Variants in ZNF385D observed in about 807,000 individuals in gnomAD.
ZNF385D encodes zinc finger protein 385D.
A neutral mutation model predicts 35.8 loss-of-function variants in ZNF385D; 15 were observed. The ratio of observed to expected loss-of-function variants is 0.42; its 90% CI spans 0.28 to 0.64. The LOEUF (loss-of-function observed/expected upper bound fraction) is 0.64, where lower values mean the gene tolerates loss of function less well. Among genes scored for constraint, ZNF385D ranks in the 30% least tolerant of loss-of-function variants. ZNF385D has a pLI of 0.23. For synonymous variants in ZNF385D, 212 were observed against 186.8 expected (o/e 1.13, Z -1.10); for missense variants, 474 against 494.6 (o/e 0.96, Z 0.39).
At chr3:22,094,155 A>C in intron 3 of ZNF385D, among the ~76,000 whole-genome samples, 1 of 151,898 alleles carries the variant, frequency 6.6e-6, no homozygotes, top group South Asian at 2.1e-4. Flanking sequence ...CCGGCATCAA[A>C]TATTCTAATT....
intron 3 of ZNF385D, among the ~76,000 whole-genome samples, chr3:21,876,938 C>G (rs149891604): frequency 2.6e-5 from 4 of 152,200 alleles, no homozygotes; most frequent in Admixed American, 6.6e-5. Flanking sequence ...AGCAGAGAAG[C>G]ACTTCTTTCC....
intron 3 of ZNF385D, among the ~76,000 whole-genome samples, chr3:21,984,665 A>G (rs1263380553): frequency 3.6e-5 from 4 of 111,438 alleles, no homozygotes; most frequent in Admixed American, 2.6e-4. Context: ...TTTTGGTTCC[A>G]TATGAACTTT....
At chr3:22,133,426 G>A (rs975269492) in intron 3 of ZNF385D, among the ~76,000 whole-genome samples, 3 of 151,836 alleles carry the variant, frequency 2.0e-5, no homozygotes. Flanking sequence ...AAGAGAAGAG[G>A]AGGGAGAGAG....
intron 2 of ZNF385D, among the ~76,000 whole-genome samples, chr3:21,634,509 C>T (rs996810522): frequency 6.6e-6 from 1 of 152,022 alleles, no homozygotes; most frequent in Non-Finnish European, 1.5e-5. Flanking sequence ...GTATGCTACA[C>T]ATCTGTTATT....
At chr3:21,494,125 A>C (rs549381821) in intron 4 of ZNF385D, among the ~76,000 whole-genome samples, 1 of 152,302 alleles carries the variant, frequency 6.6e-6, no homozygotes, top group East Asian at 1.9e-4. Flanking sequence ...AATTTTACAC[A>C]AAGAGATCAA....
At chr3:21,843,263 C>G (rs543841279) in intron 3 of ZNF385D, among the ~76,000 whole-genome samples, 3 of 152,026 alleles carry the variant, frequency 2.0e-5, no homozygotes, top group Admixed American at 2.0e-4. Flanking sequence ...GGTAGAAGCA[C>G]TCAGGGGATT....
At chr3:21,884,871 A>C (rs562554264) in intron 3 of ZNF385D, among the ~76,000 whole-genome samples, 1 of 151,824 alleles carries the variant, frequency 6.6e-6, no homozygotes, top group South Asian at 2.1e-4. Flanking sequence ...ATACACGAGG[A>C]TCATGAAAGT....
intron 3 of ZNF385D, among the ~76,000 whole-genome samples, chr3:21,940,269 G>A (rs1701452781): frequency 6.6e-6 from 1 of 152,016 alleles, no homozygotes; most frequent in African/African-American, 2.4e-5. Flanking sequence ...AAGTGTTTAT[G>A]GATTTTAAGG....
chr3:22,142,851 C>A (rs571257724), intron 3 of ZNF385D, among the ~76,000 whole-genome samples: 1 of 152,026 alleles, frequency 6.6e-6, no homozygotes, highest in East Asian at 1.9e-4. Flanking sequence ...TTATCCTCCC[C>A]GGGTTCCAAA....
At chr3:22,123,989 T>TGTA (rs1377343508) in intron 3 of ZNF385D, among the ~76,000 whole-genome samples, 4 of 142,080 alleles carry the variant, frequency 2.8e-5, no homozygotes, top group African/African-American at 7.8e-5. Context: ...TATATATATA[T>TGTA]TGCTGACTGA....
chr3:22,206,750 C>G (rs1488499764), intron 2 of ZNF385D, among the ~76,000 whole-genome samples: 1 of 151,704 alleles, frequency 6.6e-6, no homozygotes, highest in Non-Finnish European at 1.5e-5. Context: ...ACACAATATA[C>G]CAAAACCTAT....
At chr3:21,486,506 A>C (rs1559338306) in intron 4 of ZNF385D, among the ~76,000 whole-genome samples, 1 of 152,122 alleles carries the variant, frequency 6.6e-6, no homozygotes, top group Non-Finnish European at 1.5e-5. Flanking sequence ...AAGATGATAA[A>C]TGTGCTTGCA....
In ZNF385D at chr3:22,073,022, C is replaced by T. The variant is rs115585395; in HGVS notation, c.325+95795G>A. Among the ~76,000 whole-genome samples, 1,063 of 152,036 alleles carry T rather than the reference C, an allele frequency of 7.0e-3. 9 individuals are homozygous for T. The highest frequency in any genetic ancestry group is 0.024 in the African/African-American group (1,014 of 41,502). On this transcript the variant is annotated intron_variant, in intron 3 of 5. Coordinates refer to the ZNF385D transcript ENST00000494108. Reference sequence around the variant, plus strand: ...CTTTCAATCTTTTCAGAAGTTCAGACTTCTAGCTCCAAACACCTCAAGTCA... The same window carrying T: ...CTTTCAATCTTTTCAGAAGTTCAGATTTCTAGCTCCAAACACCTCAAGTCA...
At chr3:22,370,925 A>C (rs1054281734) in intron 2 of ZNF385D, among the ~76,000 whole-genome samples, 3 of 152,166 alleles carry the variant, frequency 2.0e-5, no homozygotes, top group African/African-American at 7.2e-5. Context: ...TTCTCCTAAC[A>C]CAGACAACTT....
chr3:22,197,735 G>C (rs1423701176), intron 2 of ZNF385D, among the ~76,000 whole-genome samples: 1 of 152,066 alleles, frequency 6.6e-6, no homozygotes, highest in Non-Finnish European at 1.5e-5. Flanking sequence ...CCTGCATTCT[G>C]TTCAGATTCT....
chr3:21,632,291 A>T (rs1559475145), intron 2 of ZNF385D, among the ~76,000 whole-genome samples: 1 of 152,054 alleles, frequency 6.6e-6, no homozygotes, highest in Non-Finnish European at 1.5e-5. Flanking sequence ...TAATACTAGA[A>T]AGGAGCTAGA....
At chr3:21,962,776 T>G (rs1176884757) in intron 3 of ZNF385D, among the ~76,000 whole-genome samples, 1 of 152,186 alleles carries the variant, frequency 6.6e-6, no homozygotes, top group East Asian at 1.9e-4. Flanking sequence ...CATTCTCATA[T>G]TTTCTGTGGT....
chr3:21,815,665 C>A (rs1169009383), intron 3 of ZNF385D, among the ~76,000 whole-genome samples: 1 of 152,140 alleles, frequency 6.6e-6, no homozygotes, highest in African/African-American at 2.4e-5. Context: ...CAATAGCAGG[C>A]TCTGAAATTG....
chr3:21,732,030 GT>G (rs1214143626), intron 1 of ZNF385D, among the ~76,000 whole-genome samples: 5 of 37,370 alleles, frequency 1.3e-4, no homozygotes, highest in Admixed American at 4.7e-4. Context: ...TTTTTTCGGG[GT>G]TTTTTTTTTT....
Sources: allele counts gnomAD v4.1 joint callset (sites outside exome capture counted in the v4.1 genomes callset), GRCh38; gene constraint gnomAD v4.1.1; transcripts MANE v1.5; gene names NCBI Gene and HGNC (gene_info 2026-07-23, HGNC 2026-07-21).